Variants in LMNTD1 observed in about 807,000 individuals in gnomAD.
LMNTD1 encodes the protein lamin tail domain-containing protein 1.
Under a neutral mutation model 50.9 loss-of-function variants are expected in LMNTD1, and 35 were observed. That is an observed-to-expected ratio of 0.69 (90% CI 0.53 to 0.91). The LOEUF is 0.91. Ranked by LOEUF, LMNTD1 falls within the 40% of genes least tolerant of loss-of-function variation. The probability of loss-of-function intolerance (pLI) is 0.00; values close to 1 mark genes in which losing one functional copy is unlikely to be tolerated. For synonymous variants in LMNTD1, 153 were observed against 161.9 expected, an observed-to-expected ratio of 0.94 and a Z score of 0.42; for missense variants, 470 against 475.5, an observed-to-expected ratio of 0.99 and a Z score of 0.11.
rs1441565504 is a variant in LMNTD1, at chr12:25,526,098, C to T, written c.798+1G>A. The stretch of plus-strand genomic sequence containing the variant: ...ACGATTGTTAAGAACCAGAAACTAA[C>T]TTGACCGTTCGGTTTGCACAGGATT... On this transcript the variant is annotated splice_donor_variant, in intron 6 of 9. Coordinates refer to ENST00000458174, the MANE Select transcript of LMNTD1 (RefSeq NM_001145728.2). LOFTEE classifies it high-confidence loss of function. The T allele has an allele frequency of 6.4e-7, 1 of 1,554,300 alleles. No individual in the cohort carries two copies. Among genetic ancestry groups the T allele is most frequent in the East Asian group, 2.4e-5 (1 of 42,146 alleles).
intron 9 of LMNTD1, among the ~76,000 whole-genome samples, chr12:25,479,883 C>A (rs1938391067): frequency 1.3e-5 from 2 of 152,186 alleles, no homozygotes; most frequent in African/African-American, 4.8e-5. Context: ...CTCCTGCTGG[C>A]AAATTGGGCA....
intron 1 of LMNTD1, among the ~76,000 whole-genome samples, chr12:25,628,396 A>C (rs1946642330): frequency 6.6e-6 from 1 of 152,278 alleles, no homozygotes; most frequent in African/African-American, 2.4e-5. Flanking sequence ...AATGATTTTC[A>C]GTAGGTTTGT....
intron 1 of LMNTD1, among the ~76,000 whole-genome samples, chr12:25,577,285 T>G (rs1183199831): frequency 6.6e-6 from 1 of 152,226 alleles, no homozygotes; most frequent in Non-Finnish European, 1.5e-5. Flanking sequence ...CCTTGGGCAG[T>G]ATGGCCATTT....
chr12:25,624,368 A>G (rs1160817931), intron 1 of LMNTD1, among the ~76,000 whole-genome samples: 1 of 152,224 alleles, frequency 6.6e-6, no homozygotes, highest in Non-Finnish European at 1.5e-5. Context: ...TCATTTATGA[A>G]ACAGATAACT....
intron 1 of LMNTD1, among the ~76,000 whole-genome samples, chr12:25,600,693 A>G (rs1019442491): frequency 3.3e-5 from 5 of 152,148 alleles, no homozygotes; most frequent in Admixed American, 3.3e-4. Context: ...AGGCATATGA[A>G]AAGGTGCTCA....
chr12:25,478,551 G>A (rs989272961), intron 9 of LMNTD1, among the ~76,000 whole-genome samples: 31 of 152,178 alleles, frequency 2.0e-4, no homozygotes, highest in Non-Finnish European at 3.4e-4. Context: ...TTGGGAAGCC[G>A]AGGTGGGCGA....
intron 4 of LMNTD1, among the ~76,000 whole-genome samples, chr12:25,545,134 A>G (rs1418804752): frequency 6.6e-6 from 1 of 151,294 alleles, no homozygotes; most frequent in Non-Finnish European, 1.5e-5. Context: ...TCTCCTTAGC[A>G]TTTCTTATAA....
intron 1 of LMNTD1, among the ~76,000 whole-genome samples, chr12:25,629,204 G>A (rs1348065704): frequency 6.6e-6 from 1 of 152,148 alleles, no homozygotes; most frequent in African/African-American, 2.4e-5. Context: ...ACTGGGTATG[G>A]CCAAGAACAT....
chr12:25,648,015 G>A (rs1260835089), intron 1 of LMNTD1, among the ~76,000 whole-genome samples: 1 of 151,830 alleles, frequency 6.6e-6, no homozygotes, highest in African/African-American at 2.4e-5. Context: ...TATTACCAAA[G>A]GATTATTTAG....
chr12:25,596,819 A>G (rs920669650), intron 1 of LMNTD1, among the ~76,000 whole-genome samples: 1 of 152,112 alleles, frequency 6.6e-6, no homozygotes, highest in Non-Finnish European at 1.5e-5. Flanking sequence ...TAGAAGGACT[A>G]AAGGACGAAC....
intron 9 of LMNTD1, among the ~76,000 whole-genome samples, chr12:25,491,947 T>G (rs991447952): frequency 1.3e-5 from 2 of 152,086 alleles, no homozygotes; most frequent in African/African-American, 2.4e-5. Context: ...TAAAATAAGG[T>G]GCTAATTGAG....
chr12:25,588,359 C>A (rs1945603607), intron 1 of LMNTD1, among the ~76,000 whole-genome samples: 1 of 152,008 alleles, frequency 6.6e-6, no homozygotes, highest in Admixed American at 6.5e-5. Context: ...CTCAGATAAT[C>A]CCATGTAAAT....
intron 9 of LMNTD1, among the ~76,000 whole-genome samples, chr12:25,489,118 G>A (rs1440023464): frequency 5.3e-5 from 8 of 152,094 alleles, no homozygotes; most frequent in African/African-American, 1.9e-4. Context: ...GGAGCCTACA[G>A]TGGCAGGCAG....
Position 25,546,434 on chromosome 12 carries a change from G to A in LMNTD1, c.431C>T (p.Thr144Ile). The change falls in exon 4 of 10, where the codon ACT becomes ATT. Residue 144 changes from threonine (T) to isoleucine (I), a missense_variant. Coordinates refer to ENST00000458174, the MANE Select transcript of LMNTD1 (RefSeq NM_001145728.2). ...SKKLTAHSNY[T>I]QKTLKYFSMI... ...AGAAAAGTATTTTAAAGTTTTCTGA[G>A]TGTAGTTTGAGTGTGCTGTAAGTTT... 1 of 1,599,196 alleles carries A rather than the reference G, an allele frequency of 6.3e-7. No individual in the cohort carries two copies. Among genetic ancestry groups the A allele is most frequent in the South Asian group, 1.1e-5 (1 of 88,818 alleles).
chr12:25,529,239 T>G (rs1942046779), intron 4 of LMNTD1, among the ~76,000 whole-genome samples: 1 of 152,214 alleles, frequency 6.6e-6, no homozygotes, highest in Non-Finnish European at 1.5e-5. Flanking sequence ...CCTGGGATTC[T>G]GTTCTTAGCC....
At chr12:25,543,479 T>C (rs554421671) in intron 4 of LMNTD1, among the ~76,000 whole-genome samples, 2 of 152,088 alleles carry the variant, frequency 1.3e-5, no homozygotes, top group South Asian at 4.1e-4. Context: ...AAAAACCATA[T>C]GATCATCTCA....
intron 1 of LMNTD1, among the ~76,000 whole-genome samples, chr12:25,595,085 C>T (rs1216274830): frequency 6.6e-6 from 1 of 152,016 alleles, no homozygotes; most frequent in African/African-American, 2.4e-5. Flanking sequence ...ACTTATAAAA[C>T]AATTACTAAG....
At chr12:25,583,369 A>G (rs1162081596) in intron 1 of LMNTD1, among the ~76,000 whole-genome samples, 2 of 151,476 alleles carry the variant, frequency 1.3e-5, no homozygotes, top group African/African-American at 4.8e-5. Flanking sequence ...AGGTCTCACT[A>G]TGTTGCCCAG....
chr12:25,531,240 C>T (rs950416847), intron 4 of LMNTD1, among the ~76,000 whole-genome samples: 3 of 152,146 alleles, frequency 2.0e-5, no homozygotes, highest in Non-Finnish European at 2.9e-5. Flanking sequence ...CTGAGACAAC[C>T]CAGATTTATG....
Sources: gnomAD v4.1 joint callset for allele counts (sites outside exome capture counted in the v4.1 genomes callset) on GRCh38, gnomAD v4.1.1 for gene constraint, MANE v1.5 for transcripts, NCBI Gene and HGNC (gene_info 2026-07-23, HGNC 2026-07-21) for gene names.